Variants in WNT7A observed in about 807,000 individuals in gnomAD.
The protein encoded by WNT7A is protein Wnt-7a.
A neutral mutation model predicts 28.2 loss-of-function variants in WNT7A; 16 were observed. That is an observed-to-expected ratio of 0.57 (90% CI 0.38 to 0.86). WNT7A has a LOEUF of 0.86. WNT7A is among the 40% of genes least tolerant of loss of function. The probability of loss-of-function intolerance (pLI) is 0.00; values close to 1 mark genes in which losing one functional copy is unlikely to be tolerated. For missense variants in WNT7A, 411 were observed against 489.7 expected, an observed-to-expected ratio of 0.84 and a Z score of 1.52; for synonymous variants, 190 against 195.9, an observed-to-expected ratio of 0.97 and a Z score of 0.25.
intron 2 of WNT7A, among the ~76,000 whole-genome samples, chr3:13,857,132 C>T (rs1394872709): frequency 1.3e-5 from 2 of 152,170 alleles, no homozygotes; most frequent in Non-Finnish European, 1.5e-5. Flanking sequence ...CCAACAATGC[C>T]TTTGCTGCAT....
intron 3 of WNT7A, among the ~76,000 whole-genome samples, chr3:13,829,492 G>C (rs1694243949): frequency 6.6e-6 from 1 of 152,198 alleles, no homozygotes; most frequent in African/African-American, 2.4e-5. Context: ...TTCTCATTTT[G>C]AGCAGTGGAT....
chr3:13,876,696 C>A (rs1045361341), intron 1 of WNT7A, among the ~76,000 whole-genome samples: 1 of 151,928 alleles, frequency 6.6e-6, no homozygotes, highest in African/African-American at 2.4e-5. Flanking sequence ...GCTCCTGCCA[C>A]GTGCCAGCCT....
At chr3:13,855,431 C>A (rs1165133132) in intron 2 of WNT7A, among the ~76,000 whole-genome samples, 3 of 152,198 alleles carry the variant, frequency 2.0e-5, no homozygotes, top group African/African-American at 7.2e-5. Flanking sequence ...CCTGACTGCA[C>A]CCTACCTCTT....
intron 3 of WNT7A, among the ~76,000 whole-genome samples, chr3:13,851,937 T>A (rs1347242980): frequency 6.6e-6 from 1 of 152,212 alleles, no homozygotes; most frequent in Non-Finnish European, 1.5e-5. Flanking sequence ...CAAAAGATAT[T>A]GGCACCTAAC....
chr3:13,869,163 C>A (rs111064676), intron 2 of WNT7A, among the ~76,000 whole-genome samples: 17 of 126,056 alleles, frequency 1.3e-4, no homozygotes, highest in East Asian at 2.4e-4. Context: ...GAAGGAAGGA[C>A]GGAAAAGAGA....
chr3:13,832,654 T>A (rs75532266), intron 3 of WNT7A, among the ~76,000 whole-genome samples: 1 of 59,938 alleles, frequency 1.7e-5, no homozygotes, highest in Non-Finnish European at 3.1e-5. Flanking sequence ...AAAAAATGGC[T>A]TTTTTTTTTT....
intron 3 of WNT7A, 101 bp downstream of exon 3, chr3:13,854,431 C>T: frequency 6.3e-7 from 1 of 1,585,416 alleles, no homozygotes; most frequent in Non-Finnish European, 8.6e-7. Flanking sequence ...GAGGGCAGAG[C>T]CCTGTGGCTC....
chr3:13,851,343 C>A (rs1278592817), intron 3 of WNT7A, among the ~76,000 whole-genome samples: 1 of 152,212 alleles, frequency 6.6e-6, no homozygotes, highest in Non-Finnish European at 1.5e-5. Context: ...TCGTCCTCCC[C>A]ACCCTCGGCC....
rs1695183496 is a variant in WNT7A at position 13,879,909 on chromosome 3, G to A, written c.-93C>T. On this transcript the variant is annotated 5_prime_UTR_variant, in exon 1 of 4. Coordinates refer to ENST00000285018, the MANE Select transcript of WNT7A (RefSeq NM_004625.4). ...AATCAACATAGCCCGCCCGGGAGGC[G>A]CGAGCCGAGGCGTCCCCGGGGCCGT... 1.3e-5 allele frequency: 13 copies of A among 996,604 alleles called. No individual in the cohort carries two copies. The highest frequency in any genetic ancestry group is 1.7e-5 in the Non-Finnish European group (13 of 752,218). The allele number at this position is 996,604 out of a possible 1,614,324, so 61.7% of individuals were successfully genotyped here.
At chr3:13,856,960 A>AAGAAGG (rs1559303360) in intron 2 of WNT7A, among the ~76,000 whole-genome samples, 23 of 117,532 alleles carry the variant, frequency 2.0e-4, no homozygotes, top group African/African-American at 9.4e-4. Flanking sequence ...GAAGAAGAAG[A>AAGAAGG]AGAAGAAGGA....
chr3:13,879,864 C>G lies in WNT7A; in HGVS notation c.-48G>C, dbSNP rs533486103. 3.5e-5 allele frequency: 53 copies of G among 1,497,122 alleles called. No individual in the cohort carries two copies. The highest frequency in any genetic ancestry group is 4.7e-5 in the Non-Finnish European group (52 of 1,117,322). 92.7% of individuals were successfully genotyped at this position (1,497,122 alleles called of 1,614,324 possible). ...CGCGGGCCGGGCTGTGCTGATCCCG[C>G]GGGCCGGCCCCGGCGGGGCAATCAA... is the stretch of plus-strand genomic sequence containing the variant. On this transcript the variant is annotated 5_prime_UTR_variant, in exon 1 of 4. Coordinates refer to ENST00000285018, the MANE Select transcript of WNT7A (RefSeq NM_004625.4).
chr3:13,878,589 C>A (rs536030537), intron 1 of WNT7A, among the ~76,000 whole-genome samples: 2 of 152,152 alleles, frequency 1.3e-5, no homozygotes, highest in African/African-American at 2.4e-5. Context: ...GGACAACTTG[C>A]GAAATCCCCG....
intron 1 of WNT7A, among the ~76,000 whole-genome samples, chr3:13,878,392 G>T (rs938973163): frequency 2.6e-5 from 4 of 152,192 alleles, no homozygotes; most frequent in South Asian, 4.1e-4. Flanking sequence ...GCGGCGGGGC[G>T]CGGGCCAAGA....
At chr3:13,858,830 G>A (rs183111612) in intron 2 of WNT7A, among the ~76,000 whole-genome samples, 15 of 152,128 alleles carry the variant, frequency 9.9e-5, no homozygotes, top group Admixed American at 7.2e-4. Context: ...TAACTTTGAC[G>A]TTGGCCTTAC....
intron 3 of WNT7A, among the ~76,000 whole-genome samples, chr3:13,851,961 C>G (rs928390397): frequency 1.3e-5 from 2 of 152,244 alleles, no homozygotes; most frequent in Non-Finnish European, 2.9e-5. Context: ...TCTGATTCGG[C>G]CTGCAGACCA....
chr3:13,834,165 T>C (rs1041854479), intron 3 of WNT7A, among the ~76,000 whole-genome samples: 1 of 152,198 alleles, frequency 6.6e-6, no homozygotes, highest in Admixed American at 6.5e-5. Flanking sequence ...TCAGGCAGGG[T>C]ATTAGACAGC....
At chr3:13,829,620 G>A (rs1415739200) in intron 3 of WNT7A, among the ~76,000 whole-genome samples, 3 of 152,172 alleles carry the variant, frequency 2.0e-5, no homozygotes, top group Non-Finnish European at 4.4e-5. Flanking sequence ...GTGCCTGCAG[G>A]CGAGTCCCTT....
rs753785082 is a variant in WNT7A at position 13,854,788 on chromosome 3, G to A, written c.314C>T (p.Ala105Val). Residue 105 changes from alanine (A) to valine (V), a missense_variant, in exon 3 of 4, where the codon GCG becomes GTG. Ala to Val is a moderately conservative substitution (Grantham distance 64). Transcript: ENST00000285018. Reference protein sequence around the residue: ...KELKVGSREAAFTYAIIAAGV... With the variant: ...KELKVGSREAVFTYAIIAAGV... Reference sequence around the variant, plus strand: ...GGCGGCAATGATGGCGTAGGTGAACGCAGCCTCCCGGCTCCCTGCGAGGAG... The same window carrying A: ...GGCGGCAATGATGGCGTAGGTGAACACAGCCTCCCGGCTCCCTGCGAGGAG... The A allele has an allele frequency of 2.5e-6, 4 of 1,612,840 alleles. No individual in the cohort carries two copies. Among genetic ancestry groups the A allele is most frequent in the Non-Finnish European group, 2.5e-6 (3 of 1,180,038 alleles).
chr3:13,827,561 T>C (rs900587489), intron 3 of WNT7A, among the ~76,000 whole-genome samples: 1 of 152,018 alleles, frequency 6.6e-6, no homozygotes, highest in Non-Finnish European at 1.5e-5. Context: ...GCCAAATAGA[T>C]ACTATCGAAT....
Sources: gnomAD v4.1 joint callset for allele counts (sites outside exome capture counted in the v4.1 genomes callset) on GRCh38, gnomAD v4.1.1 for gene constraint, MANE v1.5 for transcripts, NCBI Gene and HGNC (gene_info 2026-07-23, HGNC 2026-07-21) for gene names.